RALB: variants seen among roughly 807,000 people sequenced by gnomAD.
The protein encoded by RALB is RAS like proto-oncogene B.
In RALB, 16 loss-of-function variants were observed where a neutral mutation model predicts 21.3. The ratio of observed to expected loss-of-function variants is 0.75; its 90% CI spans 0.51 to 1.14. The LOEUF is 1.14. RALB is among the 50% of genes most tolerant of loss of function. The pLI, the probability that RALB is intolerant of heterozygous loss-of-function variation, is 0.00. For missense variants in RALB, 161 were observed against 256.2 expected, an observed-to-expected ratio of 0.63 and a Z score of 2.54; for synonymous variants, 93 against 96.1, an observed-to-expected ratio of 0.97 and a Z score of 0.19.
At position 120,278,797 on chromosome 2, in the gene RALB, A is replaced by G. The variant is rs913353894; in HGVS notation, c.114+19A>G. ...TGACGAGGTAAGCCCTGCTAGGCAC[A>G]GACCACCTTCCTTTGGCATTGGCCG... On this transcript the variant is annotated intron_variant, in intron 2 of 4. Transcript: ENST00000272519. The G allele has an allele frequency of 2.7e-6, 4 of 1,501,786 alleles. No individual in the cohort carries two copies. The highest frequency in any genetic ancestry group is 3.6e-6 in the Non-Finnish European group (4 of 1,119,130). The allele number at this position is 1,501,786 out of a possible 1,614,324, so 93.0% of individuals were successfully genotyped here. A position where few individuals can be genotyped will look rare whatever the true frequency, so the allele number is the denominator to read the frequency against.
intron 2 of RALB, among the ~76,000 whole-genome samples, chr2:120,284,566 T>A (rs570145617): frequency 6.6e-6 from 1 of 152,260 alleles, no homozygotes; most frequent in Non-Finnish European, 1.5e-5. Context: ...ACCTGGCTAA[T>A]CTTTTGTATT....
At chr2:120,254,635 G>C (rs555706489) in intron 1 of RALB, among the ~76,000 whole-genome samples, 17 of 152,232 alleles carry the variant, frequency 1.1e-4, no homozygotes, top group African/African-American at 4.1e-4. Context: ...AAGATGGCTT[G>C]AGATTCCATG....
chr2:120,249,167 G>C (rs1183498906), upstream of RALB, among the ~76,000 whole-genome samples: 1 of 151,754 alleles, frequency 6.6e-6, no homozygotes, highest in Non-Finnish European at 1.5e-5. Flanking sequence ...CGAGTAGCTG[G>C]GATTACAGGC....
At chr2:120,256,333 A>G in intron 1 of RALB, among the ~76,000 whole-genome samples, 1 of 150,486 alleles carries the variant, frequency 6.6e-6, no homozygotes, top group East Asian at 1.9e-4. Flanking sequence ...GGAGAGAATG[A>G]ATATGATAAT....
At chr2:120,248,554 C>T (rs1177393110), upstream of RALB, among the ~76,000 whole-genome samples, 1 of 71,168 alleles carries the variant, frequency 1.4e-5, no homozygotes, top group African/African-American at 7.3e-5. Context: ...AGCTGATTAC[C>T]CTGTCTAGGA....
At chr2:120,290,482 T>TA (rs915067344) in intron 4 of RALB, among the ~76,000 whole-genome samples, 1 of 152,242 alleles carries the variant, frequency 6.6e-6, no homozygotes, top group Non-Finnish European at 1.5e-5. Context: ...CCTTGAAAGA[T>TA]ACGTGGAGCT....
intron 1 of RALB, among the ~76,000 whole-genome samples, chr2:120,256,490 C>T (rs951678818): frequency 6.6e-6 from 1 of 152,088 alleles, no homozygotes; most frequent in African/African-American, 2.4e-5. Flanking sequence ...AGGGCAGTTT[C>T]TCCCATACTG....
chr2:120,255,972 C>T (rs909453303), intron 1 of RALB, among the ~76,000 whole-genome samples: 5 of 151,730 alleles, frequency 3.3e-5, no homozygotes, highest in African/African-American at 9.7e-5. Flanking sequence ...TTTGGTCCTG[C>T]GTGCCTGGCT....
chr2:120,252,868 G>A lies in RALB; in HGVS notation c.-160G>A. ...GGGGGGTGGGAAAGCGAGCCCGGCA[G>A]CTCAATGACAAATCGGTGGAGGACG... On this transcript the variant is annotated 5_prime_UTR_variant, in exon 1 of 5. Coordinates refer to ENST00000272519, the MANE Select transcript of RALB (RefSeq NM_002881.3). 1.0e-6 allele frequency: 1 copy of A among 985,570 alleles called. No individual in the cohort carries two copies. Among genetic ancestry groups the A allele is most frequent in the Non-Finnish European group, 1.2e-6 (1 of 830,042 alleles). 61.1% of individuals were successfully genotyped at this position (985,570 alleles called of 1,614,324 possible).
upstream of RALB, among the ~76,000 whole-genome samples, chr2:120,250,940 C>T (rs1271947967): frequency 6.6e-6 from 1 of 152,186 alleles, no homozygotes. Flanking sequence ...CTGGAGGAGT[C>T]CCAGTAGGAC....
chr2:120,247,754 C>T (rs1224688458), intron 1 of RALB, among the ~76,000 whole-genome samples: 5 of 152,210 alleles, frequency 3.3e-5, no homozygotes, highest in South Asian at 2.1e-4. Flanking sequence ...AGGCGCTCCA[C>T]GAGGGTTCCC....
At chr2:120,285,780 A>G (rs1690117904) in intron 2 of RALB, 94 bp from the exon 3 acceptor site, 2 of 954,850 alleles carry the variant, frequency 2.1e-6, no homozygotes, top group Admixed American at 1.9e-5. Context: ...TGTCCTGTTC[A>G]TAGTGTGAAG....
intron 1 of RALB, among the ~76,000 whole-genome samples, chr2:120,241,185 C>G (rs551422241): frequency 6.6e-6 from 1 of 152,316 alleles, no homozygotes; most frequent in South Asian, 2.1e-4. Flanking sequence ...GGCTCATCCT[C>G]GAGCCTGCCC....
At chr2:120,277,681 ATGAG>A (rs5833828) in intron 1 of RALB, among the ~76,000 whole-genome samples, 104,879 of 151,284 alleles carry the variant, frequency 0.69, 36,921 homozygotes, top group Middle Eastern at 0.8. Flanking sequence ...TGAACGTGTT[ATGAG>A]TGAAAGTGTG....
At chr2:120,278,226 G>A (rs1689893641) in intron 1 of RALB, among the ~76,000 whole-genome samples, 1 of 152,124 alleles carries the variant, frequency 6.6e-6, no homozygotes, top group Admixed American at 6.5e-5. Context: ...GCTGGGGATT[G>A]AGGTCCCAAG....
chr2:120,287,166 A>G (rs902985729), intron 3 of RALB, among the ~76,000 whole-genome samples: 1 of 152,354 alleles, frequency 6.6e-6, no homozygotes, highest in Non-Finnish European at 1.5e-5. Flanking sequence ...ACCAGAGGTG[A>G]AAAGGAGAAA....
At position 120,262,114 on chromosome 2, in the gene RALB, A is replaced by G. The variant is rs181981904; in HGVS notation, c.-48+9134A>G. Among the ~76,000 whole-genome samples, 7 of 152,314 alleles carry G rather than the reference A, an allele frequency of 4.6e-5. No homozygotes were observed. The East Asian group carries it at 7.7e-4, about 17-fold the overall frequency. On this transcript the variant is annotated intron_variant, in intron 1 of 4. Coordinates refer to ENST00000272519, the MANE Select transcript of RALB (RefSeq NM_002881.3). Reference sequence around the variant, plus strand: ...TGCAGACCAGAAGCAGATGTCCTCAATAAATGAGGGAAGTGACCAGGAAGT... The same window carrying G: ...TGCAGACCAGAAGCAGATGTCCTCAGTAAATGAGGGAAGTGACCAGGAAGT...
At chr2:120,291,106 G>A (rs1173886138) in intron 4 of RALB, among the ~76,000 whole-genome samples, 2 of 152,138 alleles carry the variant, frequency 1.3e-5, no homozygotes, top group Non-Finnish European at 2.9e-5. Context: ...GAAGAACATT[G>A]GTATTTAGAA....
At chr2:120,283,644 G>A (rs1235555103) in intron 2 of RALB, among the ~76,000 whole-genome samples, 1 of 152,206 alleles carries the variant, frequency 6.6e-6, no homozygotes, top group African/African-American at 2.4e-5. Flanking sequence ...TTTTGGGAGA[G>A]TAAGGTTGGG....
Sources: gnomAD v4.1 joint callset for allele counts (sites outside exome capture counted in the v4.1 genomes callset) on GRCh38, gnomAD v4.1.1 for gene constraint, MANE v1.5 for transcripts, NCBI Gene and HGNC (gene_info 2026-07-23, HGNC 2026-07-21) for gene names.